RBFOX1: variants seen among roughly 807,000 people sequenced by gnomAD.
RBFOX1 encodes RNA binding protein fox-1 homolog 1.
In RBFOX1, 8 loss-of-function variants were observed where a neutral mutation model predicts 57.7. The observed-to-expected ratio is 0.14, with a 90% CI of 0.08 to 0.25. The LOEUF (loss-of-function observed/expected upper bound fraction) is 0.25. Among genes scored for constraint, RBFOX1 ranks in the 10% least tolerant of loss-of-function variants. RBFOX1 has a pLI of 1.00. For synonymous variants in RBFOX1, 326 were observed against 222.4 expected (o/e 1.47, Z -4.15); for missense variants, 611 against 548.5 (o/e 1.11, Z -1.14).
chr16:5,625,528 A>G (rs911514798), intron 3 of RBFOX1, among the ~76,000 whole-genome samples: 2 of 103,898 alleles, frequency 1.9e-5, no homozygotes, highest in African/African-American at 3.3e-5. Context: ...CTCTTTTAAT[A>G]TTTTTTGTTA....
chr16:6,750,157 G>C (rs2074640062), intron 3 of RBFOX1, among the ~76,000 whole-genome samples: 2 of 152,184 alleles, frequency 1.3e-5, no homozygotes, highest in South Asian at 4.1e-4. Context: ...GCATGCTGGA[G>C]AGAGCAAAAT....
intron 2 of RBFOX1, among the ~76,000 whole-genome samples, chr16:5,592,168 G>A (rs1464675433): frequency 6.6e-6 from 1 of 151,942 alleles, no homozygotes; most frequent in Non-Finnish European, 1.5e-5. Flanking sequence ...TCCTTTGCTT[G>A]TTTTTTTCTA....
At chr16:6,433,033 T>A (rs2094140856) in intron 2 of RBFOX1, among the ~76,000 whole-genome samples, 1 of 152,156 alleles carries the variant, frequency 6.6e-6, no homozygotes, top group Admixed American at 6.6e-5. Flanking sequence ...CATGCTGTCT[T>A]ACTTGTGAGA....
At chr16:6,454,764 C>T (rs2094718687) in intron 2 of RBFOX1, among the ~76,000 whole-genome samples, 1 of 151,640 alleles carries the variant, frequency 6.6e-6, no homozygotes, top group Non-Finnish European at 1.5e-5. Flanking sequence ...TGAGAAGAGG[C>T]ACACATCTTC....
chr16:5,724,445 C>T (rs761103253), intron 3 of RBFOX1, among the ~76,000 whole-genome samples: 59 of 152,034 alleles, frequency 3.9e-4, no homozygotes, highest in Non-Finnish European at 6.9e-4. Flanking sequence ...TCTATGTCTT[C>T]GTGAAATGGC....
intron 3 of RBFOX1, among the ~76,000 whole-genome samples, chr16:6,945,505 A>T (rs2079327570): frequency 6.6e-6 from 1 of 151,782 alleles, no homozygotes. Context: ...TCTAATTCTC[A>T]TTTTTGGAAA....
intron 3 of RBFOX1, among the ~76,000 whole-genome samples, chr16:5,840,591 G>A (rs774007882): frequency 6.6e-6 from 1 of 152,208 alleles, no homozygotes; most frequent in African/African-American, 2.4e-5. Context: ...TTAAATGGGG[G>A]AAGGAGTTGC....
intron 1 of RBFOX1, among the ~76,000 whole-genome samples, chr16:5,387,915 C>T (rs955843737): frequency 4.6e-5 from 7 of 152,128 alleles, no homozygotes; most frequent in South Asian, 2.1e-4. Flanking sequence ...AGAATCAGAG[C>T]GATCTCATGG....
intron 1 of RBFOX1, among the ~76,000 whole-genome samples, chr16:5,242,492 T>A (rs1251558755): frequency 2.0e-5 from 3 of 152,192 alleles, no homozygotes; most frequent in Non-Finnish European, 2.9e-5. Context: ...TTAGTTTCTA[T>A]GGGAATACTC....
At chr16:5,840,534 C>A (rs1207254594) in intron 3 of RBFOX1, among the ~76,000 whole-genome samples, 1 of 152,180 alleles carries the variant, frequency 6.6e-6, no homozygotes, top group Non-Finnish European at 1.5e-5. Context: ...AGCTCCCCCA[C>A]TGCCATCATG....
At chr16:6,571,620 A>G (rs771410914) in intron 2 of RBFOX1, among the ~76,000 whole-genome samples, 1 of 152,120 alleles carries the variant, frequency 6.6e-6, no homozygotes, top group Non-Finnish European at 1.5e-5. Context: ...CTTACCTGTA[A>G]TCAGCTCATT....
chr16:5,443,879 C>A (rs140226218), intron 1 of RBFOX1, among the ~76,000 whole-genome samples: 9 of 152,100 alleles, frequency 5.9e-5, no homozygotes, highest in African/African-American at 1.9e-4. Flanking sequence ...CTTTTTAAAG[C>A]TTGACTCTGG....
At chr16:6,984,627 C>T (rs1475302535) in intron 3 of RBFOX1, among the ~76,000 whole-genome samples, 1 of 152,038 alleles carries the variant, frequency 6.6e-6, no homozygotes, top group Non-Finnish European at 1.5e-5. Context: ...GAGTTTACCA[C>T]ATGCCTTCTT....
chr16:6,902,474 C>A (rs1373454842), intron 3 of RBFOX1, among the ~76,000 whole-genome samples: 1 of 152,124 alleles, frequency 6.6e-6, no homozygotes, highest in Admixed American at 6.5e-5. Context: ...GTAATCCTAG[C>A]ACTTTGAGAG....
chr16:5,308,562 C>T (rs2063998867), intron 1 of RBFOX1, among the ~76,000 whole-genome samples: 1 of 152,074 alleles, frequency 6.6e-6, no homozygotes, highest in Admixed American at 6.5e-5. Context: ...CCATGTCTCC[C>T]CTTCCTTTAA....
intron 2 of RBFOX1, among the ~76,000 whole-genome samples, chr16:6,607,605 C>G (rs1046359094): frequency 6.6e-6 from 1 of 151,566 alleles, no homozygotes; most frequent in Non-Finnish European, 1.5e-5. Flanking sequence ...TCTCTCTCCT[C>G]TCTCTTTCTC....
chr16:5,697,169 T>A (rs1166953170), intron 3 of RBFOX1, among the ~76,000 whole-genome samples: 1 of 152,172 alleles, frequency 6.6e-6, no homozygotes, highest in Non-Finnish European at 1.5e-5. Context: ...GCATGTTGAT[T>A]ATTATCCAGC....
At chr16:7,094,151 C>G (rs1363831366) in intron 4 of RBFOX1, among the ~76,000 whole-genome samples, 1 of 151,102 alleles carries the variant, frequency 6.6e-6, no homozygotes, top group Non-Finnish European at 1.5e-5. Flanking sequence ...GAAAATTTTC[C>G]AAACCTTCAG....
chr16:7,178,522 A>T (rs891943912), intron 4 of RBFOX1, among the ~76,000 whole-genome samples: 3 of 152,192 alleles, frequency 2.0e-5, no homozygotes, highest in Admixed American at 1.3e-4. Flanking sequence ...TTACTAAACA[A>T]TGTGATGTGT....
Sources: allele counts gnomAD v4.1 joint callset (sites outside exome capture counted in the v4.1 genomes callset), GRCh38; gene constraint gnomAD v4.1.1; transcripts MANE v1.5; gene names NCBI Gene and HGNC (gene_info 2026-07-23, HGNC 2026-07-21).